FXYD7: variants seen among roughly 807,000 people sequenced by gnomAD.
The protein encoded by FXYD7 is FXYD domain-containing ion transport regulator 7.
Under a neutral mutation model 15.3 loss-of-function variants are expected in FXYD7, and 7 were observed. The observed-to-expected ratio is 0.46, with a 90% CI of 0.26 to 0.86. The LOEUF is 0.86. FXYD7 is among the 40% of genes least tolerant of loss of function. FXYD7 has a pLI of 0.16. For missense variants in FXYD7, 78 were observed against 100.6 expected (o/e 0.78, Z 0.96); for synonymous variants, 39 against 39.3 (o/e 0.99, Z 0.03).
intron 1 of FXYD7, among the ~76,000 whole-genome samples, chr19:35,145,036 C>T (rs2065284468): frequency 6.6e-6 from 1 of 152,212 alleles, no homozygotes; most frequent in African/African-American, 2.4e-5. Flanking sequence ...CAGCTGGGTC[C>T]GGGTCCCTAT....
chr19:35,146,525 C>T (rs2065289483), intron 1 of FXYD7, among the ~76,000 whole-genome samples: 1 of 152,116 alleles, frequency 6.6e-6, no homozygotes, highest in South Asian at 2.1e-4. Flanking sequence ...TCTGGTGTCC[C>T]CCTTCCAGGA....
chr19:35,144,648 T>TG lies in FXYD7; in HGVS notation c.31+1292dup, dbSNP rs982556284. 7.4e-3 allele frequency among the ~76,000 whole-genome samples: 212 copies of TG among 28,744 alleles called. 1 individual carries two copies. Among genetic ancestry groups the TG allele is most frequent in the Admixed American group, 0.015 (44 of 2,850 alleles). The allele number at this position is 28,744 out of a possible 152,430, so 18.9% of individuals were successfully genotyped here. ...GCAGAATCCGAAGCAGGGCGGGGGG[T>TG]GGGGGGGGCTGCAGAGGCTGGAAGC... On this transcript the variant is annotated intron_variant, in intron 1 of 5. Coordinates refer to ENST00000270310, the MANE Select transcript of FXYD7 (RefSeq NM_022006.2).
intron 2 of FXYD7, among the ~76,000 whole-genome samples, chr19:35,150,635 C>T (rs1254589288): frequency 6.6e-6 from 1 of 152,028 alleles, no homozygotes; most frequent in Non-Finnish European, 1.5e-5. Context: ...GTGCAAAGGC[C>T]TTGGGATAGG....
chr19:35,148,019 GAAAGAAGGAAAGAAA>G (rs2065294649), intron 1 of FXYD7, among the ~76,000 whole-genome samples: 2 of 88,998 alleles, frequency 2.2e-5, no homozygotes, highest in Non-Finnish European at 4.5e-5. Context: ...AAAGAAAGAA[GAAAGAAGGAAAGAAA>G]GAAAGAAAGA....
At chr19:35,144,520 G>T (rs1420109608) in intron 1 of FXYD7, among the ~76,000 whole-genome samples, 1 of 152,172 alleles carries the variant, frequency 6.6e-6, no homozygotes, top group African/African-American at 2.4e-5. Context: ...GACCAGGGGT[G>T]CTGAGAAGCC....
At chr19:35,151,696 T>C in intron 5 of FXYD7, 23 bp downstream of exon 5, 1 of 1,601,174 alleles carries the variant, frequency 6.2e-7, no homozygotes, top group Non-Finnish European at 8.6e-7. Context: ...AACTGTGTGG[T>C]TCTGGGAGAG....
intron 1 of FXYD7, among the ~76,000 whole-genome samples, chr19:35,148,079 GAAAGAAAGAAAGAA>G (rs1473398831): frequency 4.2e-4 from 52 of 124,082 alleles, no homozygotes; most frequent in East Asian, 3.1e-3. Flanking sequence ...AAGAAAGAAA[GAAAGAAAGAAAGAA>G]AGAGAGAGAG....
rs545437271 is a variant in FXYD7 at position 35,153,904 on chromosome 19, C to T, written c.231C>T (p.Gly77=). The part of the protein sequence containing the change: ...KSELPSSAPG[G]GGV ...CCCCTCTCTCCCCAGCCCCTGGTGG[C>T]GGCGGCGTGTAACACCTTCCCGAGG... Residue 77 remains glycine (G), a synonymous_variant, in exon 6 of 6, where the codon GGC becomes GGT. Coordinates refer to ENST00000270310, the MANE Select transcript of FXYD7 (RefSeq NM_022006.2). 1.9e-6 allele frequency: 3 copies of T among 1,611,994 alleles called. No individual in the cohort carries two copies. The highest frequency in any genetic ancestry group is 2.7e-5 in the African/African-American group (2 of 74,922).
chr19:35,148,819 C>T (rs746119297), intron 2 of FXYD7, 96 bp downstream of exon 2: 9 of 1,093,656 alleles, frequency 8.2e-6, no homozygotes, highest in South Asian at 3.7e-5. Flanking sequence ...CCACACGATA[C>T]GTGCTGGGCC....
At chr19:35,148,073 AAGAAAGAAAGAAAGAAAGAAAG>A (rs2065296420) in intron 1 of FXYD7, among the ~76,000 whole-genome samples, 2 of 135,986 alleles carry the variant, frequency 1.5e-5, no homozygotes, top group Middle Eastern at 3.6e-3. Flanking sequence ...GAAAGAAAGA[AAGAAAGAAAGAAAGAAAGAAAG>A]AGAGAGAGAA....
In FXYD7 at chr19:35,153,979, G is replaced by A. The variant is rs1394373105; in HGVS notation, c.*63G>A. ...AGCGCGGGAGCCTGAGGACCGGGTG[G>A]AGGCGGTGGGGACCCAGCCGCGCGC... On this transcript the variant is annotated 3_prime_UTR_variant, in exon 6 of 6. Coordinates refer to ENST00000270310, the MANE Select transcript of FXYD7 (RefSeq NM_022006.2). 4 of 1,536,130 alleles carry A rather than the reference G, an allele frequency of 2.6e-6. No homozygotes were observed. In the Admixed American group the frequency reaches 6.7e-5, roughly 26 times the overall value.
At position 35,143,497 on chromosome 19, in the gene FXYD7, G is replaced by A; in HGVS notation, c.31+133G>A. The stretch of plus-strand genomic sequence containing the variant: ...GGGAGGTCCGCTCCTCCTGTGGGCG[G>A]AAGCCCCTGTAATGCGCCCCCCCGA... On this transcript the variant is annotated intron_variant, in intron 1 of 5. Coordinates refer to ENST00000270310, the MANE Select transcript of FXYD7 (RefSeq NM_022006.2). This position sits in a 1 kb window ranked among gnomAD's most constrained non-coding sequence, Gnocchi z 4.3. 1.4e-6 allele frequency: 1 copy of A among 704,180 alleles called. No homozygotes were observed. Among genetic ancestry groups the A allele is most frequent in the Non-Finnish European group, 2.2e-6 (1 of 461,252 alleles). The allele number at this position is 704,180 out of a possible 1,614,324, so 43.6% of individuals were successfully genotyped here.
chr19:35,147,805 C>G (rs2065293568), intron 1 of FXYD7, among the ~76,000 whole-genome samples: 1 of 151,818 alleles, frequency 6.6e-6, no homozygotes, highest in Non-Finnish European at 1.5e-5. Context: ...ACCAGCCCAG[C>G]CAACATGGTG....
At chr19:35,151,773 C>CGGTGGGGGG in intron 5 of FXYD7, 100 bp downstream of exon 5, 2 of 470,722 alleles carry the variant, frequency 4.2e-6, no homozygotes. Context: ...ACGCAGGGGG[C>CGGTGGGGGG]GGAGGGGGGG....
rs1456203245 is a variant in FXYD7 at position 35,151,462 on chromosome 19, G to A, written c.159G>A (p.Lys53=). ...CAGGCAAGAAGGTGAAGTGCAGGAA[G>A]GCGGACTCCAGGTCTGAGAGGTCTG... ...IVISKKVKCR[K]ADSRSESPTC... The change falls in exon 4 of 6, where the codon AAG becomes AAA. Residue 53 remains lysine (K), a synonymous_variant. Transcript: ENST00000270310. 1.2e-6 allele frequency: 2 copies of A among 1,614,094 alleles called. No homozygotes were observed. Among genetic ancestry groups the A allele is most frequent in the South Asian group, 2.2e-5 (2 of 91,092 alleles).
chr19:35,153,259 C>A (rs1052242545), intron 5 of FXYD7, among the ~76,000 whole-genome samples: 1 of 151,976 alleles, frequency 6.6e-6, no homozygotes, highest in African/African-American at 2.4e-5. Context: ...GGTGGTTCAC[C>A]ATTTTGGCCA....
chr19:35,151,176 C>A, intron 2 of FXYD7, 78 bp from the exon 3 acceptor site: 1 of 945,718 alleles, frequency 1.1e-6, no homozygotes, highest in Non-Finnish European at 1.8e-6. Flanking sequence ...CCTGGCTGGG[C>A]CACCCAGAGC....
intron 1 of FXYD7, among the ~76,000 whole-genome samples, chr19:35,147,242 T>C (rs148002789): frequency 7.2e-5 from 11 of 152,262 alleles, no homozygotes; most frequent in African/African-American, 2.6e-4. Context: ...ATTAGTCACA[T>C]GGCCCTACCC....
At chr19:35,153,040 T>TTTTTTTTTTTTTTTTTTTTG in intron 5 of FXYD7, among the ~76,000 whole-genome samples, 1 of 114,690 alleles carries the variant, frequency 8.7e-6, no homozygotes, top group South Asian at 3.3e-4. Context: ...TTCCTTTTTT[T>TTTTTTTTTTTTTTTTTTTTG]TTTTTTTTTT....
Sources: allele counts gnomAD v4.1 joint callset (sites outside exome capture counted in the v4.1 genomes callset), GRCh38; gene constraint gnomAD v4.1.1; non-coding constraint Gnocchi (gnomAD v3.1); transcripts MANE v1.5; gene names NCBI Gene and HGNC (gene_info 2026-07-23, HGNC 2026-07-21).